CNTLN: variants seen among roughly 807,000 people sequenced by gnomAD.
CNTLN encodes centlein.
A neutral mutation model predicts 180.0 loss-of-function variants in CNTLN; 212 were observed. The observed-to-expected ratio is 1.18, with a 90% CI of 1.05 to 1.32. CNTLN has a LOEUF of 1.32. CNTLN is among the 40% of genes most tolerant of loss of function. The probability of loss-of-function intolerance (pLI) is 0.00; values close to 1 mark genes in which losing one functional copy is unlikely to be tolerated. For synonymous variants in CNTLN, 722 were observed against 563.1 expected (o/e 1.28, Z -3.99); for missense variants, 2,095 against 1,610.9 (o/e 1.30, Z -5.14).
chr9:17,206,056 C>T (rs536345468), intron 2 of CNTLN, among the ~76,000 whole-genome samples: 30 of 152,286 alleles, frequency 2.0e-4, no homozygotes, highest in Admixed American at 1.8e-3. Context: ...ACTGGGTAGC[C>T]ACCACTGCAG....
At chr9:17,483,115 A>G (rs1229483901) in intron 23 of CNTLN, among the ~76,000 whole-genome samples, 1 of 152,142 alleles carries the variant, frequency 6.6e-6, no homozygotes, top group Non-Finnish European at 1.5e-5. Flanking sequence ...AATAATTGAA[A>G]TATATACAAT....
chr9:17,317,186 AATAG>A, intron 8 of CNTLN, among the ~76,000 whole-genome samples: 1 of 152,298 alleles, frequency 6.6e-6, no homozygotes, highest in Non-Finnish European at 1.5e-5. Flanking sequence ...GTGAATGAAT[AATAG>A]ATGGATACTG....
intron 2 of CNTLN, among the ~76,000 whole-genome samples, chr9:17,152,434 G>C (rs1423411642): frequency 6.6e-6 from 1 of 152,142 alleles, no homozygotes; most frequent in African/African-American, 2.4e-5. Flanking sequence ...AGTCATTCAG[G>C]AGCAGGTTGT....
At chr9:17,199,612 CTA>C (rs1324597647) in intron 2 of CNTLN, among the ~76,000 whole-genome samples, 1 of 152,008 alleles carries the variant, frequency 6.6e-6, no homozygotes, top group Non-Finnish European at 1.5e-5. Context: ...AGCTTTTTTT[CTA>C]TGTTTGTTGG....
rs559366163 is a variant in CNTLN, at chr9:17,254,135, A to G, written c.849+17547A>G. On this transcript the variant is annotated intron_variant, in intron 5 of 25. Transcript: ENST00000380647. Reference sequence around the variant, plus strand: ...TCCCTGGGACAAATCCCAGTTGAACATATTTGTATTATGATGTTGACCATC... The same window carrying G: ...TCCCTGGGACAAATCCCAGTTGAACGTATTTGTATTATGATGTTGACCATC... 2.9e-4 allele frequency among the ~76,000 whole-genome samples: 44 copies of G among 151,758 alleles called. No homozygotes were observed. The South Asian group carries it at 7.2e-3, about 25-fold the overall frequency.
chr9:17,520,859 C>T, the CNTLN span, among the ~76,000 whole-genome samples: 1 of 152,150 alleles, frequency 6.6e-6, no homozygotes, highest in Non-Finnish European at 1.5e-5. Context: ...TGCCTTGTTG[C>T]CTTGGCGATG....
intron 2 of CNTLN, among the ~76,000 whole-genome samples, chr9:17,173,182 C>A (rs190963707): frequency 0.029 from 4,471 of 152,054 alleles, 159 homozygotes; most frequent in African/African-American, 0.087. Flanking sequence ...AGCTATAATG[C>A]TGAATAATAA....
chr9:17,178,967 G>C (rs191973213), intron 2 of CNTLN, among the ~76,000 whole-genome samples: 1 of 146,048 alleles, frequency 6.8e-6, no homozygotes, highest in East Asian at 2.0e-4. Flanking sequence ...ATTATTGGCC[G>C]GGCGCGGTGG....
At position 17,362,951 on chromosome 9, in the gene CNTLN, A is replaced by T. The variant is rs1587779445; in HGVS notation, c.1887-3666A>T. 2.0e-5 allele frequency among the ~76,000 whole-genome samples: 3 copies of T among 151,762 alleles called. No individual in the cohort carries two copies. In the South Asian group the frequency reaches 6.2e-4, roughly 32 times the overall value. On this transcript the variant is annotated intron_variant, in intron 12 of 25. Transcript: ENST00000380647. ...TCCCTCTCTGTGTCCATGTGTTCTC[A>T]TTGTCCAACTCCCACTTATGAGTGA...
intron 5 of CNTLN, among the ~76,000 whole-genome samples, chr9:17,252,489 A>G (rs1826205055): frequency 6.6e-6 from 1 of 151,736 alleles, no homozygotes; most frequent in African/African-American, 2.4e-5. Context: ...CATTTTCCTG[A>G]TGATTAATGA....
chr9:17,261,728 G>C (rs1460292932), intron 5 of CNTLN, among the ~76,000 whole-genome samples: 1 of 150,518 alleles, frequency 6.6e-6, no homozygotes, highest in African/African-American at 2.5e-5. Context: ...GGTAAGAGTG[G>C]GCATGGCTTC....
intron 2 of CNTLN, among the ~76,000 whole-genome samples, chr9:17,164,552 C>A (rs1038645645): frequency 7.1e-6 from 1 of 140,104 alleles, no homozygotes; most frequent in African/African-American, 2.7e-5. Flanking sequence ...GTGACCTCTG[C>A]CTCCCTGGTT....
chr9:17,436,352 T>A (rs1829775794), intron 18 of CNTLN, among the ~76,000 whole-genome samples: 1 of 152,228 alleles, frequency 6.6e-6, no homozygotes, highest in Admixed American at 6.5e-5. Context: ...TAAAGCAGTT[T>A]CCTTTTTAGA....
At chr9:17,304,113 TG>T (rs1435546368) in intron 7 of CNTLN, among the ~76,000 whole-genome samples, 1 of 152,084 alleles carries the variant, frequency 6.6e-6, no homozygotes, top group Non-Finnish European at 1.5e-5. Context: ...GGTGGTAGGA[TG>T]TGGGAATTGA....
At chr9:17,325,513 C>T (rs151259031) in intron 8 of CNTLN, among the ~76,000 whole-genome samples, 154 of 146,356 alleles carry the variant, frequency 1.1e-3, no homozygotes, top group African/African-American at 1.7e-3. Context: ...CTGATATATA[C>T]GTGTATGTTA....
intron 10 of CNTLN, among the ~76,000 whole-genome samples, chr9:17,335,394 C>G (rs1162516705): frequency 6.6e-6 from 1 of 151,996 alleles, no homozygotes; most frequent in Admixed American, 6.6e-5. Flanking sequence ...GTGCATGCCT[C>G]TAATCCCAGC....
intron 12 of CNTLN, among the ~76,000 whole-genome samples, chr9:17,354,784 C>T (rs897524102): frequency 3.3e-5 from 5 of 152,066 alleles, no homozygotes; most frequent in Non-Finnish European, 7.4e-5. Context: ...CCGCTCCAGT[C>T]CCCTTCCACA....
intron 12 of CNTLN, among the ~76,000 whole-genome samples, chr9:17,356,021 G>C (rs1014074730): frequency 7.0e-6 from 1 of 142,490 alleles, no homozygotes; most frequent in Non-Finnish European, 1.5e-5. Context: ...CCGAGATCAC[G>C]CCACTGCACT....
the CNTLN span, among the ~76,000 whole-genome samples, chr9:17,521,265 AAGAG>A: frequency 6.9e-4 from 82 of 118,606 alleles, no homozygotes; most frequent in African/African-American, 2.0e-3. Context: ...AAGGGAGAAA[AAGAG>A]AGAGAGAGAG....
Sources: allele counts gnomAD v4.1 joint callset (sites outside exome capture counted in the v4.1 genomes callset), GRCh38; gene constraint gnomAD v4.1.1; transcripts MANE v1.5; gene names NCBI Gene and HGNC (gene_info 2026-07-23, HGNC 2026-07-21).